The following UBR1 variants were observed in gnomAD, a reference collection of about 807,000 sequenced individuals.
UBR1 encodes the protein ubiquitin protein ligase E3 component n-recognin 1.
UBR1 carries 102 observed loss-of-function variants against 242.1 expected under a neutral mutation model. The observed-to-expected ratio is 0.42, with a 90% CI of 0.36 to 0.50. UBR1 has a LOEUF of 0.50. Among genes scored for constraint, UBR1 ranks in the 20% least tolerant of loss-of-function variants. The probability of loss-of-function intolerance (pLI) is 0.01; values close to 1 mark genes in which losing one functional copy is unlikely to be tolerated. For missense variants in UBR1, 1,772 were observed against 2,101.8 expected (o/e 0.84, Z 3.07); for synonymous variants, 675 against 684.8 (o/e 0.99, Z 0.22).
chr15:42,988,536 G>A, intron 35 of UBR1: 2 of 395,210 alleles, frequency 5.1e-6, no homozygotes, highest in South Asian at 4.9e-5. Context: ...TCCCACCTCA[G>A]CCTCCCAAAG....
chr15:43,097,639 T>C (rs1567152066), intron 1 of UBR1, among the ~76,000 whole-genome samples: 2 of 152,280 alleles, frequency 1.3e-5, no homozygotes, highest in South Asian at 2.1e-4. Flanking sequence ...TGCTTCACGC[T>C]GCACTTTTAT....
chr15:43,032,351 T>C (rs55712908), intron 20 of UBR1, among the ~76,000 whole-genome samples: 5,483 of 152,244 alleles, frequency 0.036, 318 homozygotes, highest in African/African-American at 0.13. Flanking sequence ...ACCTATAATA[T>C]ATATAAAATT....
chr15:42,971,476 G>C (rs1303535639), intron 39 of UBR1, among the ~76,000 whole-genome samples: 2 of 152,190 alleles, frequency 1.3e-5, no homozygotes, highest in Non-Finnish European at 2.9e-5. Context: ...TGTCTACCTT[G>C]TAGTTTGCTG....
At chr15:43,051,997 A>C (rs1269982580) in intron 12 of UBR1, among the ~76,000 whole-genome samples, 1 of 152,218 alleles carries the variant, frequency 6.6e-6, no homozygotes, top group Non-Finnish European at 1.5e-5. Context: ...TTTCCACAAT[A>C]AATTAGCAAC....
chr15:43,076,939 A>G (rs1382499272), intron 3 of UBR1, among the ~76,000 whole-genome samples: 4 of 75,364 alleles, frequency 5.3e-5, no homozygotes, highest in Non-Finnish European at 1.1e-4. Context: ...CGCCCTATCC[A>G]GGAGGTGAGG....
chr15:43,105,577 G>A (rs922855557), intron 1 of UBR1, among the ~76,000 whole-genome samples: 1 of 152,076 alleles, frequency 6.6e-6, no homozygotes, highest in African/African-American at 2.4e-5. Flanking sequence ...ACCAGGTGCT[G>A]CGTTCCCATC....
Position 42,988,611 on chromosome 15 carries a change from G to A in UBR1, c.3997+208C>T, listed in dbSNP as rs1027217525. ...AAAAATATTTTTTTTAACTTATGTT[G>A]CATATGGCCACAATCATAGTTAAAA... On this transcript the variant is annotated intron_variant, in intron 35 of 46. Transcript: ENST00000290650. 4.5e-4 allele frequency: 295 copies of A among 650,320 alleles called. No homozygotes were observed. In the African/African-American group the frequency reaches 4.7e-3, roughly 10 times the overall value. 40.3% of individuals were successfully genotyped at this position (650,320 alleles called of 1,614,324 possible).
intron 37 of UBR1, among the ~76,000 whole-genome samples, chr15:42,981,403 T>C (rs1048682349): frequency 2.0e-5 from 3 of 152,220 alleles, no homozygotes; most frequent in Non-Finnish European, 2.9e-5. Flanking sequence ...TTATCTATTA[T>C]GTGTACTCCC....
chr15:43,003,500 C>T (rs2032758107), intron 31 of UBR1: 1 of 349,690 alleles, frequency 2.9e-6, no homozygotes, highest in Non-Finnish European at 5.5e-6. Flanking sequence ...AGGTGATCCT[C>T]CTGCCTCGGC....
At chr15:43,010,925 G>T (rs1177893497) in intron 29 of UBR1, among the ~76,000 whole-genome samples, 1 of 151,960 alleles carries the variant, frequency 6.6e-6, no homozygotes, top group Non-Finnish European at 1.5e-5. Flanking sequence ...AGGAGGCGGA[G>T]GTTGCAGTGA....
At chr15:43,030,720 C>T (rs151180851) in intron 20 of UBR1, among the ~76,000 whole-genome samples, 62 of 152,202 alleles carry the variant, frequency 4.1e-4, no homozygotes, top group African/African-American at 1.4e-3. Flanking sequence ...CATCTAATTC[C>T]GATTGCCTTA....
At chr15:42,980,758 A>C (rs916585249) in intron 37 of UBR1, among the ~76,000 whole-genome samples, 1 of 151,898 alleles carries the variant, frequency 6.6e-6, no homozygotes, top group Non-Finnish European at 1.5e-5. Flanking sequence ...ACAGTTGTGC[A>C]CCACCACACC....
chr15:42,962,576 G>A (rs551510953), intron 42 of UBR1, among the ~76,000 whole-genome samples: 103 of 151,918 alleles, frequency 6.8e-4, no homozygotes, highest in African/African-American at 2.3e-3. Context: ...TGCAACCTCC[G>A]CCTCCTGGGT....
Position 43,054,822 on chromosome 15 carries a change from CA to C in UBR1, c.1358del (p.Leu453TrpfsTer23). 2 of 1,614,068 alleles carry C rather than the reference CA, an allele frequency of 1.2e-6. No homozygotes were observed. The highest frequency in any genetic ancestry group is 1.7e-6 in the Non-Finnish European group (2 of 1,180,000). The stretch of plus-strand genomic sequence containing the variant: ...GGAAGTTGAATTTATTGTTCCTGTC[CA>C]AGTACTCAGGTAAAACTTCTAGCAG... ...ETLLEVLPEY[L>X]DRNNKFNFQG... On this transcript the variant is annotated frameshift_variant, in exon 12 of 47. Transcript: ENST00000290650. LOFTEE classifies it high-confidence loss of function.
chr15:43,073,918 T>C (rs1413299971), intron 4 of UBR1, among the ~76,000 whole-genome samples: 2 of 152,198 alleles, frequency 1.3e-5, no homozygotes, highest in Non-Finnish European at 2.9e-5. Context: ...CTACAGGTGT[T>C]TGCTGCTTTA....
intron 19 of UBR1, among the ~76,000 whole-genome samples, chr15:43,033,609 G>A (rs1279115231): frequency 1.3e-5 from 2 of 152,116 alleles, no homozygotes; most frequent in Non-Finnish European, 2.9e-5. Flanking sequence ...AGCCAAGATC[G>A]AGCCACTGCA....
chr15:42,976,730 A>C lies in UBR1; in HGVS notation c.4356T>G (p.Leu1452=). The change falls in exon 39 of 47, where the codon CTT becomes CTG. Residue 1452 remains leucine, a synonymous_variant. Coordinates refer to ENST00000290650, the MANE Select transcript of UBR1 (RefSeq NM_174916.3). ...TGAAAACCTTACCTGTGTCTACTGT[A>C]AGTAGTATCTGAAGCATGTGTGCCA... is the stretch of plus-strand genomic sequence containing the variant. ...ITMAHMLQIL[L]TVDTGLPLAQ... 6.2e-7 allele frequency: 1 copy of C among 1,614,116 alleles called. No homozygotes were observed. Among genetic ancestry groups the C allele is most frequent in the Non-Finnish European group, 8.5e-7 (1 of 1,179,986 alleles).
chr15:43,093,220 G>A (rs573044542), intron 1 of UBR1, among the ~76,000 whole-genome samples: 1 of 152,152 alleles, frequency 6.6e-6, no homozygotes, highest in Non-Finnish European at 1.5e-5. Context: ...GCCTGTTTGG[G>A]AACATCATTC....
chr15:42,961,194 C>T (rs2032013015), intron 42 of UBR1, among the ~76,000 whole-genome samples: 1 of 150,254 alleles, frequency 6.7e-6, no homozygotes, highest in South Asian at 2.1e-4. Flanking sequence ...CTCACTGCAA[C>T]CTCCATCTCC....
Sources: gnomAD v4.1 joint callset for allele counts (sites outside exome capture counted in the v4.1 genomes callset) on GRCh38, gnomAD v4.1.1 for gene constraint, MANE v1.5 for transcripts, NCBI Gene and HGNC (gene_info 2026-07-23, HGNC 2026-07-21) for gene names.